Variants in ACACA observed in about 807,000 individuals in gnomAD.
ACACA encodes the protein acetyl-CoA carboxylase 1.
ACACA carries 103 observed loss-of-function variants against 296.1 expected under a neutral mutation model. The ratio of observed to expected loss-of-function variants is 0.35; its 90% CI spans 0.30 to 0.41. ACACA has a LOEUF of 0.41. ACACA is among the 10% of genes least tolerant of loss of function. The pLI, the probability that ACACA is intolerant of heterozygous loss-of-function variation, is 1.00. For synonymous variants in ACACA, 953 were observed against 1,038.6 expected (o/e 0.92, Z 1.58); for missense variants, 1,554 against 2,989.7 (o/e 0.52, Z 11.20).
At chr17:37,274,321 T>C (rs1426582885) in intron 8 of ACACA, 22 bp from the exon 9 acceptor site, 2 of 1,579,194 alleles carry the variant, frequency 1.3e-6, no homozygotes, top group African/African-American at 2.7e-5. Flanking sequence ...AATAGCAACT[T>C]AGGGCAATTA....
chr17:37,271,246 T>C lies in ACACA; in HGVS notation c.1009-385A>G, dbSNP rs543800569. 1.6e-4 allele frequency among the ~76,000 whole-genome samples: 25 copies of C among 152,334 alleles called. No homozygotes were observed. In the South Asian group the frequency reaches 5.0e-3, roughly 30 times the overall value. ...TAGAAAAGAATGGGTCCGGGCACAG[T>C]GGCTAACGCCTGTAATCACAGCACT... On this transcript the variant is annotated intron_variant, in intron 9 of 55. Coordinates refer to ENST00000616317, the MANE Select transcript of ACACA (RefSeq NM_198834.3).
intron 41 of ACACA, among the ~76,000 whole-genome samples, chr17:37,176,033 G>A (rs1171766288): frequency 2.6e-5 from 4 of 152,094 alleles, no homozygotes; most frequent in African/African-American, 9.7e-5. Context: ...AAAACTAAAT[G>A]GAACTGAATT....
chr17:37,133,970 A>G (rs1161973114), intron 45 of ACACA, among the ~76,000 whole-genome samples: 1 of 152,070 alleles, frequency 6.6e-6, no homozygotes, highest in African/African-American at 2.4e-5. Context: ...GAGGATCTTG[A>G]CTCATTCTCA....
At chr17:37,274,146 A>C (rs1335848701) in intron 9 of ACACA, 47 bp downstream of exon 9, 1 of 1,504,508 alleles carries the variant, frequency 6.6e-7, no homozygotes, top group Non-Finnish European at 9.3e-7. Context: ...ATTTGTGACT[A>C]TAACTGGTCA....
chr17:37,381,248 C>T (rs754570764), intron 1 of ACACA, among the ~76,000 whole-genome samples: 124 of 152,122 alleles, frequency 8.2e-4, no homozygotes, highest in African/African-American at 2.4e-3. Context: ...CGCAGTGGCG[C>T]GATCTCGTCT....
chr17:37,343,763 CAAAAAA>C (rs1161272864), intron 1 of ACACA, among the ~76,000 whole-genome samples: 1 of 67,108 alleles, frequency 1.5e-5, no homozygotes, highest in Non-Finnish European at 3.2e-5. Flanking sequence ...GACTCTGTCT[CAAAAAA>C]AAAAAAAAAA....
intron 1 of ACACA, among the ~76,000 whole-genome samples, chr17:37,367,886 G>C (rs1180913747): frequency 2.0e-5 from 3 of 152,082 alleles, no homozygotes; most frequent in Non-Finnish European, 4.4e-5. Flanking sequence ...TGGCCAACAT[G>C]ATGAAACCCC....
At chr17:37,399,944 A>G (rs1029772604) in intron 1 of ACACA, among the ~76,000 whole-genome samples, 1 of 152,146 alleles carries the variant, frequency 6.6e-6, no homozygotes. Context: ...TATATTCATG[A>G]TGTACAACAT....
At chr17:37,188,996 TAAAG>T (rs905320104) in intron 38 of ACACA, among the ~76,000 whole-genome samples, 2 of 152,166 alleles carry the variant, frequency 1.3e-5, no homozygotes, top group African/African-American at 4.8e-5. Context: ...TTGCACAAAT[TAAAG>T]AAAGGCAATT....
chr17:37,196,496 G>A (rs1303420058), intron 35 of ACACA, among the ~76,000 whole-genome samples: 2 of 151,622 alleles, frequency 1.3e-5, no homozygotes, highest in Admixed American at 6.6e-5. Context: ...TTTATTAACA[G>A]ATGTAAAACT....
intron 2 of ACACA, among the ~76,000 whole-genome samples, chr17:37,335,609 G>A (rs960767632): frequency 3.9e-5 from 6 of 152,066 alleles, no homozygotes; most frequent in Non-Finnish European, 8.8e-5. Context: ...CCTAAGCCCC[G>A]CAACAAAAGA....
intron 1 of ACACA, chr17:37,388,941 A>G: frequency 8.8e-7 from 1 of 1,136,182 alleles, no homozygotes; most frequent in Non-Finnish European, 1.2e-6. Context: ...TGGTGTTGGG[A>G]AAGTTGCTTG....
intron 3 of ACACA, among the ~76,000 whole-genome samples, chr17:37,309,812 G>A (rs1199973222): frequency 6.6e-6 from 1 of 152,058 alleles, no homozygotes; most frequent in Non-Finnish European, 1.5e-5. Context: ...AGCACTTTGA[G>A]AGGTGAAGGC....
At chr17:37,386,637 T>C (rs2050544584) in intron 1 of ACACA, among the ~76,000 whole-genome samples, 1 of 152,060 alleles carries the variant, frequency 6.6e-6, no homozygotes, top group South Asian at 2.1e-4. Context: ...CCCAGAAATG[T>C]TTGTAATTTG....
intron 1 of ACACA, chr17:37,375,920 A>T: frequency 1.8e-6 from 1 of 545,146 alleles, no homozygotes; most frequent in Non-Finnish European, 3.3e-6. Context: ...CTCCAATTAG[A>T]TCTATTCCTG....
chr17:37,296,526 C>G (rs575614922), intron 3 of ACACA, among the ~76,000 whole-genome samples: 1 of 151,672 alleles, frequency 6.6e-6, no homozygotes, highest in Non-Finnish European at 1.5e-5. Flanking sequence ...AGGATGGTCT[C>G]GATCTCCTGA....
intron 55 of ACACA, among the ~76,000 whole-genome samples, chr17:37,088,290 G>T (rs547450168): frequency 6.4e-4 from 97 of 152,220 alleles, no homozygotes; most frequent in African/African-American, 2.3e-3. Flanking sequence ...TGAAATATTT[G>T]GGGGTAAAGG....
chr17:37,103,339 G>C (rs749399920), intron 52 of ACACA, among the ~76,000 whole-genome samples: 1 of 152,200 alleles, frequency 6.6e-6, no homozygotes, highest in African/African-American at 2.4e-5. Context: ...ATCATTGATC[G>C]TTTGTCAGGA....
intron 1 of ACACA, among the ~76,000 whole-genome samples, chr17:37,373,438 G>T (rs1041491284): frequency 2.0e-5 from 3 of 151,922 alleles, no homozygotes; most frequent in African/African-American, 7.3e-5. Flanking sequence ...GTAGAGACAG[G>T]GTTTAACCTT....
Sources: allele counts gnomAD v4.1 joint callset (sites outside exome capture counted in the v4.1 genomes callset), GRCh38; gene constraint gnomAD v4.1.1; transcripts MANE v1.5; gene names NCBI Gene and HGNC (gene_info 2026-07-23, HGNC 2026-07-21).